Variants in BRCA1 observed in about 807,000 individuals in gnomAD.
BRCA1 encodes BRCA1 DNA repair associated.
A neutral mutation model predicts 173.7 loss-of-function variants in BRCA1; 140 were observed. The observed-to-expected ratio is 0.81, with a 90% CI of 0.70 to 0.93. The LOEUF (loss-of-function observed/expected upper bound fraction) is 0.93. Among genes scored for constraint, BRCA1 ranks in the 40% least tolerant of loss-of-function variants. The pLI, the probability that BRCA1 is intolerant of heterozygous loss-of-function variation, is 0.00. For missense variants in BRCA1, 1,983 were observed against 2,172.5 expected (o/e 0.91, Z 1.73); for synonymous variants, 662 against 756.0 (o/e 0.88, Z 2.04).
At chr17:43,068,729 G>A (rs1333288705) in intron 15 of BRCA1, among the ~76,000 whole-genome samples, 1 of 152,104 alleles carries the variant, frequency 6.6e-6, no homozygotes, top group Non-Finnish European at 1.5e-5. Context: ...TTATGCTACA[G>A]ATATACATGG....
At chr17:43,135,592 G>A (rs1488960200) in intron 1 of BRCA1, among the ~76,000 whole-genome samples, 2 of 152,276 alleles carry the variant, frequency 1.3e-5, no homozygotes, top group African/African-American at 2.4e-5. Context: ...CCCATGGTTC[G>A]CAGGTCGCGG....
At chr17:43,141,799 G>A (rs1407705846) in intron 1 of BRCA1, among the ~76,000 whole-genome samples, 3 of 149,532 alleles carry the variant, frequency 2.0e-5, no homozygotes, top group South Asian at 2.1e-4. Context: ...GCGACAGACC[G>A]AAAAAAAAAA....
chr17:43,086,458 A>G (rs904430416), intron 11 of BRCA1, among the ~76,000 whole-genome samples: 1 of 152,186 alleles, frequency 6.6e-6, no homozygotes, highest in Non-Finnish European at 1.5e-5. Context: ...GGTTCAGTAC[A>G]AAAAGGGAAA....
chr17:43,104,136 C>G lies in BRCA1; in HGVS notation c.427G>C (p.Glu143Gln), dbSNP rs80356991. The change falls in exon 6 of 23, where the codon GAA becomes CAA. Residue 143 changes from glutamate (E) to glutamine (Q), a missense_variant. By Grantham distance (29) the Glu-to-Gln change is conservative. Coordinates refer to ENST00000357654, the MANE Select transcript of BRCA1 (RefSeq NM_007294.4). ...AATGGTTTTACCAAGGAAGGATTTTCGGGTTCACTCTGTAGAAGTCTTTTG... is the reference window on the plus strand; with the variant it reads ...AATGGTTTTACCAAGGAAGGATTTTGGGGTTCACTCTGTAGAAGTCTTTTG... ...RAKRLLQSEP[E>Q]NPSLQETSLS... is the part of the protein sequence containing the mutation. The G allele has an allele frequency of 1.2e-6, 2 of 1,613,344 alleles. No individual in the cohort carries two copies. The highest frequency in any genetic ancestry group is 1.1e-5 in the South Asian group (1 of 90,926).
chr17:43,106,578 TTGTAGA>T (rs754176240), intron 3 of BRCA1, 45 bp from the exon 4 acceptor site: 2 of 1,415,202 alleles, frequency 1.4e-6, no homozygotes, highest in South Asian at 2.4e-5. Flanking sequence ...TTACTTCCTT[TTGTAGA>T]AAGAATACTC....
At chr17:43,137,637 T>C (rs1015488013) in intron 1 of BRCA1, among the ~76,000 whole-genome samples, 1 of 152,046 alleles carries the variant, frequency 6.6e-6, no homozygotes, top group Admixed American at 6.6e-5. Context: ...TCCCAGCACT[T>C]TGGGAGGTCA....
At chr17:43,095,992 G>A (rs2154515931) in intron 8 of BRCA1, 70 bp from the exon 9 acceptor site, 3 of 1,285,630 alleles carry the variant, frequency 2.3e-6, no homozygotes, top group Non-Finnish European at 3.4e-6. Flanking sequence ...AAATGACCAA[G>A]ATCAAACATT....
chr17:43,085,779 G>A (rs1378810053), intron 11 of BRCA1, among the ~76,000 whole-genome samples: 1 of 152,126 alleles, frequency 6.6e-6, no homozygotes, highest in African/African-American at 2.4e-5. Flanking sequence ...AGAGCAGCCG[G>A]AACTGGTCTG....
chr17:43,144,303 TG>T, intron 1 of BRCA1: 1 of 277,328 alleles, frequency 3.6e-6, no homozygotes, highest in Non-Finnish European at 7.3e-6. Flanking sequence ...CATTCATGCA[TG>T]GGCTTGAGGG....
At chr17:43,103,065 C>T (rs2054563364) in intron 6 of BRCA1, among the ~76,000 whole-genome samples, 1 of 152,072 alleles carries the variant, frequency 6.6e-6, no homozygotes, top group Non-Finnish European at 1.5e-5. Flanking sequence ...GCCATGGCAC[C>T]CAGCTGAAGT....
At chr17:43,112,894 C>T (rs2055107294) in intron 3 of BRCA1, among the ~76,000 whole-genome samples, 1 of 152,010 alleles carries the variant, frequency 6.6e-6, no homozygotes, top group South Asian at 2.1e-4. Context: ...ACCTCCGCCT[C>T]CCAGGTTCAA....
chr17:43,115,454 A>T (rs922289622), intron 3 of BRCA1, among the ~76,000 whole-genome samples: 2 of 151,692 alleles, frequency 1.3e-5, no homozygotes, highest in African/African-American at 2.4e-5. Context: ...GTGAGCCAAG[A>T]TCATGCCACT....
intron 15 of BRCA1, among the ~76,000 whole-genome samples, chr17:43,068,796 C>T (rs1349593225): frequency 6.6e-6 from 1 of 152,084 alleles, no homozygotes; most frequent in Non-Finnish European, 1.5e-5. Flanking sequence ...CAGGATGTTA[C>T]TAAAGGTCAG....
chr17:43,077,983 C>A (rs932191059), intron 12 of BRCA1, among the ~76,000 whole-genome samples: 2 of 152,134 alleles, frequency 1.3e-5, no homozygotes, highest in East Asian at 3.9e-4. Flanking sequence ...GATCTGCCTG[C>A]CTCGGCCTCC....
At chr17:43,064,244 C>T (rs914802362) in intron 16 of BRCA1, among the ~76,000 whole-genome samples, 18 of 152,186 alleles carry the variant, frequency 1.2e-4, no homozygotes. Context: ...CTATAGATCT[C>T]CATTATAGTG....
Position 43,074,379 on chromosome 17 carries a change from CAG to C in BRCA1, c.4625_4626del (p.Ser1542TrpfsTer31), listed in dbSNP as rs80357542. 2 of 1,614,072 alleles carry C rather than the reference CAG, an allele frequency of 1.2e-6. No individual in the cohort carries two copies. Among genetic ancestry groups the C allele is most frequent in the Non-Finnish European group, 1.7e-6 (2 of 1,180,002 alleles). On this transcript the variant is annotated frameshift_variant, in exon 14 of 23. Transcript: ENST00000357654. LOFTEE classifies it high-confidence loss of function. Reference sequence around the variant, plus strand: ...GATGTTTCCGTCAAATCGTGTGGCCCAGACTCTTCCAGCTGTTGCTCCTCCAC... The same window carrying C: ...GATGTTTCCGTCAAATCGTGTGGCCCACTCTTCCAGCTGTTGCTCCTCCAC... ...VDVEEQQLEE[S>X]GPHDLTETSY...
At chr17:43,117,965 AGT>A (rs2055370975) in intron 2 of BRCA1, among the ~76,000 whole-genome samples, 1 of 152,312 alleles carries the variant, frequency 6.6e-6, no homozygotes, top group African/African-American at 2.4e-5. Flanking sequence ...CTCATATTCT[AGT>A]GTGGTAGACA....
chr17:43,064,015 A>G (rs931213543), intron 16 of BRCA1, 64 bp from the exon 17 acceptor site: 1 of 1,420,662 alleles, frequency 7.0e-7, no homozygotes, highest in Non-Finnish European at 9.9e-7. Flanking sequence ...TGCTGTCCTA[A>G]GAAGCTAAAG....
intron 22 of BRCA1, among the ~76,000 whole-genome samples, chr17:43,047,146 C>A (rs1299022391): frequency 6.6e-6 from 1 of 152,140 alleles, no homozygotes; most frequent in Non-Finnish European, 1.5e-5. Flanking sequence ...GTCGCCCAGG[C>A]TGGAGTACAG....
Sources: gnomAD v4.1 joint callset for allele counts (sites outside exome capture counted in the v4.1 genomes callset) on GRCh38, gnomAD v4.1.1 for gene constraint, MANE v1.5 for transcripts, NCBI Gene and HGNC (gene_info 2026-07-23, HGNC 2026-07-21) for gene names.